The following GABRG2 variants were observed in gnomAD, a reference collection of about 807,000 sequenced individuals.
GABRG2 encodes the protein gamma-aminobutyric acid type A receptor subunit gamma2, also known as gamma-aminobutyric acid receptor subunit gamma-2.
In GABRG2, 16 loss-of-function variants were observed where a neutral mutation model predicts 56.4. The observed-to-expected ratio is 0.28, with a 90% CI of 0.19 to 0.43. GABRG2 has a LOEUF of 0.43. Among genes scored for constraint, GABRG2 ranks in the 20% least tolerant of loss-of-function variants. The pLI is 1.00. For missense variants in GABRG2, 327 were observed against 582.7 expected, an observed-to-expected ratio of 0.56 and a Z score of 4.52; for synonymous variants, 208 against 205.5, an observed-to-expected ratio of 1.01 and a Z score of -0.10.
chr5:162,078,384 TATATATATATA>T (rs1759327510), intron 1 of GABRG2, among the ~76,000 whole-genome samples: 2 of 35,492 alleles, frequency 5.6e-5, no homozygotes, highest in African/African-American at 1.1e-4. Flanking sequence ...TATATATATA[TATATATATATA>T]TATTTTTTTT....
At chr5:162,082,400 T>G (rs1463165014) in intron 1 of GABRG2, among the ~76,000 whole-genome samples, 1 of 151,802 alleles carries the variant, frequency 6.6e-6, no homozygotes, top group Admixed American at 6.6e-5. Flanking sequence ...ATCTGTAAAT[T>G]ACACAAACAG....
chr5:162,142,348 C>T, intron 7 of GABRG2, 32 bp downstream of exon 7: 1 of 1,610,238 alleles, frequency 6.2e-7, no homozygotes, highest in Non-Finnish European at 8.5e-7. Flanking sequence ...TGCAGTTTCT[C>T]AAGATAAGTA....
chr5:162,138,817 A>G (rs1764332589), intron 6 of GABRG2, among the ~76,000 whole-genome samples: 1 of 152,188 alleles, frequency 6.6e-6, no homozygotes, highest in East Asian at 1.9e-4. Flanking sequence ...GTGTCTACAC[A>G]TAGTAGGCTT....
intron 6 of GABRG2, among the ~76,000 whole-genome samples, chr5:162,123,812 G>A (rs1763136162): frequency 6.6e-6 from 1 of 151,880 alleles, no homozygotes. Flanking sequence ...GCCAAGACTT[G>A]TAAATGGGCC....
At chr5:162,131,999 G>A (rs1048738632) in intron 6 of GABRG2, among the ~76,000 whole-genome samples, 2 of 151,454 alleles carry the variant, frequency 1.3e-5, no homozygotes, top group African/African-American at 2.4e-5. Flanking sequence ...TAGAGCCTTC[G>A]GCACCTAGGA....
chr5:162,148,476 T>C (rs1765122037), intron 7 of GABRG2, among the ~76,000 whole-genome samples: 1 of 152,230 alleles, frequency 6.6e-6, no homozygotes, highest in Non-Finnish European at 1.5e-5. Context: ...CACTTACACA[T>C]AACCCACCTC....
intron 6 of GABRG2, among the ~76,000 whole-genome samples, chr5:162,141,692 GTAAAA>G (rs1444467558): frequency 6.6e-5 from 10 of 152,172 alleles, no homozygotes; most frequent in African/African-American, 2.2e-4. Context: ...TAAATTCTGA[GTAAAA>G]TATTCATTTA....
chr5:162,116,622 G>A (rs1762643512), intron 6 of GABRG2, among the ~76,000 whole-genome samples: 1 of 151,874 alleles, frequency 6.6e-6, no homozygotes, highest in Admixed American at 6.6e-5. Flanking sequence ...CCTCTATAGG[G>A]ATGGACTTTG....
upstream of GABRG2, chr5:162,067,706 G>T (rs965941764): frequency 5.0e-6 from 3 of 603,958 alleles, no homozygotes; most frequent in Admixed American, 8.8e-5. Context: ...ATTTGTCTCC[G>T]TATGAGTCTC....
intron 1 of GABRG2, among the ~76,000 whole-genome samples, chr5:162,071,520 G>A (rs1461612317): frequency 6.6e-6 from 1 of 151,738 alleles, no homozygotes; most frequent in Non-Finnish European, 1.5e-5. Context: ...ACAGTTAATG[G>A]TTTATACATA....
At chr5:162,130,043 T>C (rs953439350) in intron 6 of GABRG2, among the ~76,000 whole-genome samples, 1 of 151,940 alleles carries the variant, frequency 6.6e-6, no homozygotes, top group Non-Finnish European at 1.5e-5. Context: ...ACAGAAAGTT[T>C]CCTTTTTCAG....
intron 1 of GABRG2, among the ~76,000 whole-genome samples, chr5:162,091,056 C>G (rs1274196544): frequency 1.3e-5 from 2 of 152,086 alleles, no homozygotes; most frequent in African/African-American, 4.8e-5. Context: ...GGTTATGCAT[C>G]AGCTCCTTTA....
chr5:162,105,432 C>CTTTTTTTTT (rs533258756), intron 6 of GABRG2, among the ~76,000 whole-genome samples: 42,439 of 102,640 alleles, frequency 0.41, 11,603 homozygotes, highest in Non-Finnish European at 0.51. Context: ...GTAGAACAAT[C>CTTTTTTTTT]TTTTTTTTTT....
At chr5:162,093,410 T>C (rs1450724600) in intron 1 of GABRG2, among the ~76,000 whole-genome samples, 1 of 152,036 alleles carries the variant, frequency 6.6e-6, no homozygotes, top group African/African-American at 2.4e-5. Flanking sequence ...CTTACTTTCA[T>C]TAATAAGTTG....
chr5:162,152,484 G>A (rs770698557), intron 9 of GABRG2: 2 of 470,062 alleles, frequency 4.3e-6, no homozygotes, highest in Non-Finnish European at 8.4e-6. Context: ...TCACATGTAG[G>A]TAAACATTGT....
At chr5:162,132,787 T>G (rs1320140863) in intron 6 of GABRG2, among the ~76,000 whole-genome samples, 1 of 152,070 alleles carries the variant, frequency 6.6e-6, no homozygotes. Context: ...AAGAATGGAA[T>G]ATGAATTCAC....
intron 1 of GABRG2, among the ~76,000 whole-genome samples, chr5:162,075,087 C>G (rs1758987925): frequency 6.6e-6 from 1 of 152,094 alleles, no homozygotes; most frequent in Admixed American, 6.6e-5. Context: ...TATCACCTAG[C>G]TGCGAGGAGG....
intron 6 of GABRG2, among the ~76,000 whole-genome samples, chr5:162,109,329 C>G (rs1762067647): frequency 6.7e-6 from 1 of 148,214 alleles, no homozygotes. Context: ...CAACATGACA[C>G]TTGTATACAT....
At chr5:162,088,247 C>T (rs934376545) in intron 1 of GABRG2, among the ~76,000 whole-genome samples, 1 of 152,100 alleles carries the variant, frequency 6.6e-6, no homozygotes, top group Non-Finnish European at 1.5e-5. Flanking sequence ...TCCCCCTTCC[C>T]ATGATCATAT....
Sources: allele counts gnomAD v4.1 joint callset (sites outside exome capture counted in the v4.1 genomes callset), GRCh38; gene constraint gnomAD v4.1.1; transcripts MANE v1.5; gene names NCBI Gene and HGNC (gene_info 2026-07-23, HGNC 2026-07-21).